BCR: variants seen among roughly 807,000 people sequenced by gnomAD.
BCR encodes BCR activator of RhoGEF and GTPase.
BCR carries 58 observed loss-of-function variants against 138.6 expected under a neutral mutation model. The observed-to-expected ratio is 0.42, with a 90% CI of 0.34 to 0.52. The LOEUF (loss-of-function observed/expected upper bound fraction) is 0.52, where lower values mean the gene tolerates loss of function less well. BCR is among the 20% of genes least tolerant of loss of function. The pLI is 0.06. For missense variants in BCR, 1,599 were observed against 1,727.2 expected, an observed-to-expected ratio of 0.93 and a Z score of 1.32; for synonymous variants, 786 against 730.1, an observed-to-expected ratio of 1.08 and a Z score of -1.23.
chr22:23,276,365 C>G (rs927963904), intron 8 of BCR, among the ~76,000 whole-genome samples: 3 of 151,032 alleles, frequency 2.0e-5, no homozygotes, highest in Non-Finnish European at 4.4e-5. Context: ...TGCCACTGCA[C>G]TCCAGTCTGG....
At chr22:23,297,597 C>T (rs180756426) in intron 16 of BCR, among the ~76,000 whole-genome samples, 2 of 152,148 alleles carry the variant, frequency 1.3e-5, no homozygotes, top group African/African-American at 4.8e-5. Context: ...ATTCCTCCCC[C>T]ACAGTCCAGC....
intron 8 of BCR, among the ~76,000 whole-genome samples, chr22:23,278,749 G>C (rs1389240978): frequency 6.6e-6 from 1 of 152,138 alleles, no homozygotes; most frequent in South Asian, 2.1e-4. Context: ...AAAAGAGTTG[G>C]AAAACAGTTG....
intron 18 of BCR, among the ~76,000 whole-genome samples, chr22:23,311,120 T>C (rs1482518616): frequency 7.7e-6 from 1 of 129,256 alleles, no homozygotes; most frequent in Admixed American, 7.9e-5. Context: ...CGCACAGCAC[T>C]GCGTTCTAAC....
At chr22:23,244,840 C>T (rs955867002) in intron 1 of BCR, among the ~76,000 whole-genome samples, 2 of 152,210 alleles carry the variant, frequency 1.3e-5, no homozygotes, top group African/African-American at 4.8e-5. Context: ...GCTGGGGTTT[C>T]AGCCTCTGCC....
At chr22:23,263,919 G>A (rs2073403740) in intron 4 of BCR, 2 of 933,256 alleles carry the variant, frequency 2.1e-6, no homozygotes, top group Non-Finnish European at 1.8e-6. Flanking sequence ...GGCTTGTTGT[G>A]GGCACTTCTC....
intron 1 of BCR, among the ~76,000 whole-genome samples, chr22:23,184,799 G>A (rs1267190379): frequency 2.6e-5 from 4 of 152,168 alleles, no homozygotes; most frequent in Admixed American, 6.5e-5. Flanking sequence ...ATGTATGGCA[G>A]GCATGGAAAG....
At chr22:23,245,854 A>G (rs1398286625) in intron 1 of BCR, among the ~76,000 whole-genome samples, 1 of 152,144 alleles carries the variant, frequency 6.6e-6, no homozygotes, top group Non-Finnish European at 1.5e-5. Flanking sequence ...AAAATGAATC[A>G]TTTTAAAGTG....
At chr22:23,254,128 T>G in intron 2 of BCR, 148 bp downstream of exon 2, 10 of 866,214 alleles carry the variant, frequency 1.2e-5, no homozygotes, top group East Asian at 2.7e-5. Flanking sequence ...TCCTCATCTC[T>G]ACATGTGGTA....
chr22:23,206,427 A>G (rs2072614356), intron 1 of BCR, among the ~76,000 whole-genome samples: 1 of 152,116 alleles, frequency 6.6e-6, no homozygotes, highest in Non-Finnish European at 1.5e-5. Flanking sequence ...ACAAAAAAAA[A>G]GTAGCCGGGC....
chr22:23,283,815 C>T (rs964501941), intron 8 of BCR, 162 bp from the exon 9 acceptor site: 25 of 925,650 alleles, frequency 2.7e-5, no homozygotes, highest in Non-Finnish European at 3.7e-5. Context: ...ATGAACAAAA[C>T]GTTCTGGAAA....
At chr22:23,216,467 G>A (rs2072753237) in intron 1 of BCR, among the ~76,000 whole-genome samples, 1 of 152,220 alleles carries the variant, frequency 6.6e-6, no homozygotes, top group African/African-American at 2.4e-5. Context: ...GGTTCCATTA[G>A]CTTGGTAGAC....
chr22:23,256,843 T>C (rs1440646936), intron 2 of BCR, among the ~76,000 whole-genome samples: 4 of 152,174 alleles, frequency 2.6e-5, no homozygotes, highest in East Asian at 3.9e-4. Context: ...TCCTGCTTGG[T>C]TGTCACAAGC....
chr22:23,183,406 C>T (rs141023662), intron 1 of BCR, among the ~76,000 whole-genome samples: 57 of 152,348 alleles, frequency 3.7e-4, no homozygotes, highest in African/African-American at 1.3e-3. Flanking sequence ...GCTCTTAGAG[C>T]TGCTGCCTTT....
At chr22:23,228,364 T>TTA (rs1312642234) in intron 1 of BCR, among the ~76,000 whole-genome samples, 5 of 152,230 alleles carry the variant, frequency 3.3e-5, no homozygotes, top group African/African-American at 1.2e-4. Flanking sequence ...TTAGTAGTGT[T>TTA]TAATAGTAAT....
chr22:23,285,436 A>G (rs11090227), intron 10 of BCR, among the ~76,000 whole-genome samples: 56,200 of 152,008 alleles, frequency 0.37, 11,515 homozygotes, highest in African/African-American at 0.54. Context: ...TGCCAACCCA[A>G]CCCTCCAGAA....
At chr22:23,241,581 G>A (rs764881075) in intron 1 of BCR, among the ~76,000 whole-genome samples, 35 of 152,044 alleles carry the variant, frequency 2.3e-4, no homozygotes, top group Non-Finnish European at 3.2e-4. Context: ...CCTCTTCCCA[G>A]GGACTTTTCT....
intron 2 of BCR, among the ~76,000 whole-genome samples, chr22:23,255,778 A>AC (rs2073287553): frequency 6.6e-6 from 1 of 151,732 alleles, no homozygotes; most frequent in African/African-American, 2.4e-5. Context: ...TGGTCCCCCG[A>AC]CCCCTGCTCC....
intron 1 of BCR, among the ~76,000 whole-genome samples, chr22:23,195,765 G>A (rs1440048003): frequency 6.6e-6 from 1 of 152,106 alleles, no homozygotes; most frequent in Non-Finnish European, 1.5e-5. Context: ...GCAGGCGCCT[G>A]TAATCCCAGC....
At chr22:23,197,481 G>A (rs1282751940) in intron 1 of BCR, among the ~76,000 whole-genome samples, 3 of 152,148 alleles carry the variant, frequency 2.0e-5, no homozygotes, top group Non-Finnish European at 2.9e-5. Context: ...TTTCCAAATA[G>A]TTTCATTCTG....
Sources: gnomAD v4.1 joint callset for allele counts (sites outside exome capture counted in the v4.1 genomes callset) on GRCh38, gnomAD v4.1.1 for gene constraint, MANE v1.5 for transcripts, NCBI Gene and HGNC (gene_info 2026-07-23, HGNC 2026-07-21) for gene names.